The following CPXM2 variants were observed in gnomAD, a reference collection of about 807,000 sequenced individuals.
CPXM2 encodes the protein carboxypeptidase X, M14 family member 2, also known as inactive carboxypeptidase-like protein X2.
Under a neutral mutation model 86.1 loss-of-function variants are expected in CPXM2, and 66 were observed. The ratio of observed to expected loss-of-function variants is 0.77; its 90% CI spans 0.63 to 0.94. The LOEUF (loss-of-function observed/expected upper bound fraction) is 0.94, where lower values mean the gene tolerates loss of function less well. CPXM2 is among the 40% of genes least tolerant of loss of function. The pLI is 0.00. For missense variants in CPXM2, 948 were observed against 1,026.3 expected (o/e 0.92, Z 1.04); for synonymous variants, 388 against 400.2 (o/e 0.97, Z 0.36).
chr10:123,859,143 G>A (rs186827448), intron 3 of CPXM2, among the ~76,000 whole-genome samples: 84 of 152,364 alleles, frequency 5.5e-4, no homozygotes, highest in Middle Eastern at 3.4e-3. Context: ...CCAGCTCACA[G>A]CCTGCACTAG....
intron 3 of CPXM2, among the ~76,000 whole-genome samples, chr10:123,857,739 A>C (rs1479099245): frequency 1.3e-5 from 2 of 152,228 alleles, no homozygotes; most frequent in Non-Finnish European, 2.9e-5. Flanking sequence ...GCAATGCACC[A>C]GCACAGGCCC....
In CPXM2 at chr10:123,830,870, C is replaced by CTGTGTGTGTGTGTGTGTG. The variant is rs1431527812; in HGVS notation, c.653+11478_653+11479insCACACACACACACACACA. ...TGCACTCATCTCTCTCTCTCTCTCT[C>CTGTGTGTGTGTGTGTGTG]TCTGTGTGTGTGTGTGTGTGTGTGT... On this transcript the variant is annotated intron_variant, in intron 4 of 13. Coordinates refer to ENST00000241305, the MANE Select transcript of CPXM2 (RefSeq NM_198148.3). Among the ~76,000 whole-genome samples the CTGTGTGTGTGTGTGTGTG allele has an allele frequency of 4.9e-5, 5 of 102,678 alleles. No homozygotes were observed. The East Asian group carries it at 1.8e-3, about 37-fold the overall frequency. The allele number at this position is 102,678 out of a possible 152,430, so 67.4% of individuals were successfully genotyped here. A position where few individuals can be genotyped will look rare whatever the true frequency, so the allele number is the denominator to read the frequency against.
intron 6 of CPXM2, among the ~76,000 whole-genome samples, chr10:123,790,184 G>A (rs1196214197): frequency 1.3e-5 from 2 of 152,152 alleles, no homozygotes; most frequent in African/African-American, 2.4e-5. Context: ...CGGGAAAGGT[G>A]GTTACAGAAC....
rs538783771 is a variant in CPXM2, at chr10:123,855,496, C to A, written c.513+7118G>T. Among the ~76,000 whole-genome samples the A allele has an allele frequency of 2.0e-5, 3 of 152,284 alleles. No homozygotes were observed. In the South Asian group the frequency reaches 6.2e-4, roughly 32 times the overall value. On this transcript the variant is annotated intron_variant, in intron 3 of 13. Transcript: ENST00000241305. The stretch of plus-strand genomic sequence containing the variant: ...GGTGAGACCTGGGAAAATGGTACTG[C>A]CAAAGGTTCTCCATAGACTTCCTGC...
intron 6 of CPXM2, among the ~76,000 whole-genome samples, chr10:123,790,665 A>G (rs1847185957): frequency 6.6e-6 from 1 of 152,090 alleles, no homozygotes; most frequent in Non-Finnish European, 1.5e-5. Context: ...GCTGAGAAGG[A>G]TTCACCAGGA....
chr10:123,829,513 A>G (rs1848121356), intron 4 of CPXM2, among the ~76,000 whole-genome samples: 1 of 152,178 alleles, frequency 6.6e-6, no homozygotes, highest in Admixed American at 6.6e-5. Context: ...TACCAGGAGT[A>G]AAAAGAAATA....
At chr10:123,782,919 G>C (rs1313085128) in intron 6 of CPXM2, among the ~76,000 whole-genome samples, 1 of 152,260 alleles carries the variant, frequency 6.6e-6, no homozygotes, top group South Asian at 2.1e-4. Context: ...TAAAGAAGTC[G>C]GGAAAACCCA....
chr10:123,940,531 A>T (rs1945765335), upstream of CPXM2, among the ~76,000 whole-genome samples: 1 of 151,846 alleles, frequency 6.6e-6, no homozygotes, highest in Admixed American at 6.6e-5. Context: ...TCTGATCTAC[A>T]CTCTGTGTGT....
chr10:123,891,783 G>C lies in CPXM2; in HGVS notation c.-124C>G, dbSNP rs1945279100. 1.7e-6 allele frequency: 1 copy of C among 589,796 alleles called. No individual in the cohort carries two copies. 36.5% of individuals were successfully genotyped at this position (589,796 alleles called of 1,614,324 possible). A position where few individuals can be genotyped will look rare whatever the true frequency, so the allele number is the denominator to read the frequency against. On this transcript the variant is annotated 5_prime_UTR_variant, in exon 1 of 14. Coordinates refer to ENST00000241305, the MANE Select transcript of CPXM2 (RefSeq NM_198148.3). The surrounding 1 kb of genome is among the most constrained non-coding windows in gnomAD (Gnocchi z 5.6). ...AGCAGAGCGGCGCGCTTGGGCGCGGGAGGCGGCCGGCTGGCTGCGCGTGTG... is the reference window on the plus strand; with the variant it reads ...AGCAGAGCGGCGCGCTTGGGCGCGGCAGGCGGCCGGCTGGCTGCGCGTGTG...
intron 4 of CPXM2, among the ~76,000 whole-genome samples, chr10:123,815,834 A>G (rs11248287): frequency 0.3 from 46,165 of 151,942 alleles, 7,342 homozygotes; most frequent in East Asian, 0.49. Context: ...ATATACACAG[A>G]AATCTGAAGA....
chr10:123,937,532 A>G (rs1329076010), intron 2 of CPXM2, among the ~76,000 whole-genome samples: 1 of 147,164 alleles, frequency 6.8e-6, no homozygotes, highest in Non-Finnish European at 1.5e-5. Flanking sequence ...AGAATTCTGG[A>G]GTTATGGAGA....
chr10:123,831,219 G>T (rs928539458), intron 4 of CPXM2, among the ~76,000 whole-genome samples: 1 of 152,192 alleles, frequency 6.6e-6, no homozygotes, highest in African/African-American at 2.4e-5. Flanking sequence ...AACAGCCCCA[G>T]TGCAGAGAAC....
At chr10:123,768,474 C>A (rs1017148733) in intron 9 of CPXM2, 52 bp downstream of exon 9, 1 of 1,481,964 alleles carries the variant, frequency 6.7e-7, no homozygotes, top group Non-Finnish European at 9.2e-7. Flanking sequence ...TACTCTGGAG[C>A]TGGGGCCTCG....
chr10:123,897,786 G>A (rs1278733040), intron 2 of CPXM2, among the ~76,000 whole-genome samples: 2 of 152,254 alleles, frequency 1.3e-5, no homozygotes, highest in African/African-American at 4.8e-5. Flanking sequence ...CTCAGCGTGA[G>A]AAGCCAAGAA....
intron 6 of CPXM2, among the ~76,000 whole-genome samples, chr10:123,789,356 C>T (rs896326492): frequency 2.6e-5 from 4 of 152,296 alleles, no homozygotes; most frequent in Non-Finnish European, 5.9e-5. Context: ...CCCCATCTCA[C>T]GACTTCTCCA....
At chr10:123,911,531 AACCC>A (rs1945488055) in intron 2 of CPXM2, among the ~76,000 whole-genome samples, 1 of 148,530 alleles carries the variant, frequency 6.7e-6, no homozygotes, top group Non-Finnish European at 1.5e-5. Flanking sequence ...TTAAAGGCAA[AACCC>A]ACCATTACTT....
intron 13 of CPXM2, among the ~76,000 whole-genome samples, chr10:123,749,702 T>C (rs1846033436): frequency 6.6e-6 from 1 of 152,266 alleles, no homozygotes; most frequent in Non-Finnish European, 1.5e-5. Context: ...TTGCATATAC[T>C]GTTCCCACTG....
At chr10:123,901,898 A>G (rs1168741392) in intron 2 of CPXM2, among the ~76,000 whole-genome samples, 1 of 152,190 alleles carries the variant, frequency 6.6e-6, no homozygotes, top group East Asian at 1.9e-4. Context: ...CAGCTGTGTC[A>G]TCACTCGGAG....
At chr10:123,836,095 G>A (rs555754781) in intron 4 of CPXM2, among the ~76,000 whole-genome samples, 2 of 152,058 alleles carry the variant, frequency 1.3e-5, no homozygotes, top group East Asian at 1.9e-4. Flanking sequence ...CTCCTCTCCC[G>A]ACCCTTGCAG....
Sources: allele counts gnomAD v4.1 joint callset (sites outside exome capture counted in the v4.1 genomes callset), GRCh38; gene constraint gnomAD v4.1.1; non-coding constraint Gnocchi (gnomAD v3.1); transcripts MANE v1.5; gene names NCBI Gene and HGNC (gene_info 2026-07-23, HGNC 2026-07-21).